UBXN8: variants seen among roughly 807,000 people sequenced by gnomAD.
The protein encoded by UBXN8 is UBX domain-containing protein 8.
Under a neutral mutation model 32.1 loss-of-function variants are expected in UBXN8, and 27 were observed. The observed-to-expected ratio is 0.84, with a 90% CI of 0.62 to 1.16. The LOEUF (loss-of-function observed/expected upper bound fraction) is 1.16, where lower values mean the gene tolerates loss of function less well. UBXN8 is among the 50% of genes most tolerant of loss of function. UBXN8 has a pLI of 0.00. For missense variants in UBXN8, 306 were observed against 311.4 expected, an observed-to-expected ratio of 0.98 and a Z score of 0.13; for synonymous variants, 109 against 111.8, an observed-to-expected ratio of 0.98 and a Z score of 0.16.
intron 6 of UBXN8, among the ~76,000 whole-genome samples, chr8:30,762,585 GTT>G (rs1434940432): frequency 2.6e-5 from 4 of 151,990 alleles, no homozygotes; most frequent in African/African-American, 9.7e-5. Flanking sequence ...TAGAGATGGG[GTT>G]TCACCGTGTT....
upstream of UBXN8, among the ~76,000 whole-genome samples, chr8:30,740,212 G>C (rs1465058461): frequency 6.6e-6 from 1 of 151,552 alleles, no homozygotes; most frequent in East Asian, 2.0e-4. Context: ...ATCTTGCTTG[G>C]GATTTAGGTT....
intron 7 of UBXN8, among the ~76,000 whole-genome samples, 178 bp downstream of exon 7, chr8:30,763,525 G>A (rs544993605): frequency 2.3e-4 from 35 of 152,230 alleles, no homozygotes; most frequent in Middle Eastern, 3.4e-3. Flanking sequence ...CATGCCTGCC[G>A]GATGTCTCTG....
Position 30,763,293 on chromosome 8 carries a change from A to G in UBXN8, c.591A>G (p.Arg197=), listed in dbSNP as rs1805907780. 1 of 1,613,736 alleles carries G rather than the reference A, an allele frequency of 6.2e-7. No individual in the cohort carries two copies. Among genetic ancestry groups the G allele is most frequent in the South Asian group, 1.1e-5 (1 of 91,088 alleles). The change falls in exon 7 of 8, where the codon CGA becomes CGG. Residue 197 remains arginine (R), a synonymous_variant. Coordinates refer to ENST00000265616, the MANE Select transcript of UBXN8 (RefSeq NM_005671.4). ...TAEEVVTVAL[R]CPSGNVLRRR... is the part of the protein sequence containing the mutation. ...CTTAGGTAGTTACTGTTGCTCTCCG[A>G]TGTCCCAGTGGGAATGTCCTGAGGA...
chr8:30,766,371 G>C lies in UBXN8; in HGVS notation c.790G>C (p.Glu264Gln). ...AACTGTGGACACTGTACTCATCCTG[G>C]AGGAGAAGGAGCAGACCAACTAGGA... ...GITVDTVLIL[E>Q]EKEQTN Residue 264 changes from glutamate to glutamine, a missense_variant, in exon 8 of 8, where the codon GAG (glutamate) becomes CAG (glutamine). Coordinates refer to ENST00000265616, the MANE Select transcript of UBXN8 (RefSeq NM_005671.4). 6.2e-7 allele frequency: 1 copy of C among 1,609,028 alleles called. No homozygotes were observed. The highest frequency in any genetic ancestry group is 8.5e-7 in the Non-Finnish European group (1 of 1,177,196).
intron 2 of UBXN8, among the ~76,000 whole-genome samples, chr8:30,751,980 C>A (rs774813606): frequency 2.6e-5 from 4 of 151,598 alleles, no homozygotes; most frequent in Non-Finnish European, 4.4e-5. Flanking sequence ...GCAACCTCCA[C>A]CTCCTGGGTT....
chr8:30,765,885 G>A (rs924355373), intron 7 of UBXN8, among the ~76,000 whole-genome samples: 5 of 151,224 alleles, frequency 3.3e-5, no homozygotes, highest in Admixed American at 6.6e-5. Context: ...GTGGGCGCCT[G>A]TATAATCCAA....
At chr8:30,744,146 C>A (rs562213706), upstream of UBXN8, 17 of 1,587,512 alleles carry the variant, frequency 1.1e-5, no homozygotes, top group Non-Finnish European at 1.4e-5. Flanking sequence ...AAAACGCGGC[C>A]GGAAGGGGCG....
At chr8:30,743,427 T>G (rs994196407), upstream of UBXN8, among the ~76,000 whole-genome samples, 7 of 152,164 alleles carry the variant, frequency 4.6e-5, no homozygotes, top group Non-Finnish European at 1.0e-4. Flanking sequence ...GTGCTGAGAT[T>G]ACAGGCGTGA....
At chr8:30,763,097 C>T in intron 6 of UBXN8, 176 bp from the exon 7 acceptor site, 1 of 605,466 alleles carries the variant, frequency 1.7e-6, no homozygotes, top group Non-Finnish European at 2.8e-6. Flanking sequence ...CTGCCTGTCT[C>T]AGCCTCCCAA....
At chr8:30,759,169 A>G (rs925811329) in intron 5 of UBXN8, among the ~76,000 whole-genome samples, 20 of 152,186 alleles carry the variant, frequency 1.3e-4, no homozygotes, top group Non-Finnish European at 1.6e-4. Context: ...CTGGGATTAC[A>G]GGCGTGAGCC....
At position 30,753,111 on chromosome 8, in the gene UBXN8, G is replaced by T. The variant is rs770024136; in HGVS notation, c.282+6G>T. 7 of 1,509,390 alleles carry T rather than the reference G, an allele frequency of 4.6e-6. No homozygotes were observed. The highest frequency in any genetic ancestry group is 2.4e-5 in the Admixed American group (1 of 41,084). The allele number at this position is 1,509,390 out of a possible 1,614,324, so 93.5% of individuals were successfully genotyped here. A position where few individuals can be genotyped will look rare whatever the true frequency, so the allele number is the denominator to read the frequency against. On this transcript the variant is annotated splice_donor_region_variant and intron_variant, in intron 3 of 7. Coordinates refer to ENST00000265616, the MANE Select transcript of UBXN8 (RefSeq NM_005671.4). The stretch of plus-strand genomic sequence containing the variant: ...AAGAAGCACAAGGAGAGAAGGTAAG[G>T]CAGAATTTTTAGAGACTTTATGCGT...
upstream of UBXN8, among the ~76,000 whole-genome samples, chr8:30,729,305 G>A (rs1032964714): frequency 6.6e-6 from 1 of 152,248 alleles, no homozygotes. Flanking sequence ...GCTGAACACC[G>A]GGAAGGAACA....
At chr8:30,762,399 T>C (rs1199970962) in intron 6 of UBXN8, among the ~76,000 whole-genome samples, 1 of 151,600 alleles carries the variant, frequency 6.6e-6, no homozygotes, top group Non-Finnish European at 1.5e-5. Flanking sequence ...TTTTTGTTTT[T>C]GTTTTTGTTT....
In UBXN8 at chr8:30,755,779, AAAG is replaced by A. The variant is rs1279842450; in HGVS notation, c.406-981_406-979del. 1.9e-3 allele frequency among the ~76,000 whole-genome samples: 291 copies of A among 150,824 alleles called. 2 individuals are homozygous for A. Among genetic ancestry groups the A allele is most frequent in the African/African-American group, 6.8e-3 (280 of 41,170 alleles). ...TCTCCAGAAAAAAAAAAAAAAAAAAAAAGAAGACTGACTGTGACATAAGATAGT... is the reference window on the plus strand; with the variant it reads ...TCTCCAGAAAAAAAAAAAAAAAAAAAAAGACTGACTGTGACATAAGATAGT... On this transcript the variant is annotated intron_variant, in intron 4 of 7. Transcript: ENST00000265616.
chr8:30,739,369 C>A (rs548836158), upstream of UBXN8, among the ~76,000 whole-genome samples: 25 of 150,986 alleles, frequency 1.7e-4, no homozygotes, highest in African/African-American at 6.1e-4. Flanking sequence ...ACGGTGAAAC[C>A]CCGTCTCTAC....
intron 1 of UBXN8, among the ~76,000 whole-genome samples, chr8:30,746,136 G>C (rs893456334): frequency 1.3e-5 from 2 of 152,150 alleles, no homozygotes; most frequent in Non-Finnish European, 2.9e-5. Flanking sequence ...AATAGAACTA[G>C]GGACAAGGGT....
intron 1 of UBXN8, among the ~76,000 whole-genome samples, chr8:30,746,974 G>C (rs1335765592): frequency 7.2e-6 from 1 of 139,320 alleles, no homozygotes; most frequent in Non-Finnish European, 1.5e-5. Flanking sequence ...GGCCAACATG[G>C]TGAAACGCTG....
intron 4 of UBXN8, 35 bp downstream of exon 4, chr8:30,754,822 T>A: frequency 6.5e-7 from 1 of 1,543,708 alleles, no homozygotes; most frequent in Non-Finnish European, 8.6e-7. Context: ...TTTTGAATCC[T>A]CTTACTATGT....
chr8:30,750,806 T>TA, intron 1 of UBXN8, among the ~76,000 whole-genome samples: 1 of 62,184 alleles, frequency 1.6e-5, no homozygotes, highest in Non-Finnish European at 3.1e-5. Context: ...CCCTGTCTCT[T>TA]AAAAAAAGAA....
Sources: gnomAD v4.1 joint callset for allele counts (sites outside exome capture counted in the v4.1 genomes callset) on GRCh38, gnomAD v4.1.1 for gene constraint, MANE v1.5 for transcripts, NCBI Gene and HGNC (gene_info 2026-07-23, HGNC 2026-07-21) for gene names.